Variants in BNC2 observed in about 807,000 individuals in gnomAD.
BNC2 encodes basonuclin zinc finger protein 2.
Under a neutral mutation model 76.3 loss-of-function variants are expected in BNC2, and 20 were observed. That is an observed-to-expected ratio of 0.26 (90% CI 0.18 to 0.38). The LOEUF (loss-of-function observed/expected upper bound fraction) is 0.38, where lower values mean the gene tolerates loss of function less well. Among genes scored for constraint, BNC2 ranks in the 10% least tolerant of loss-of-function variants. The pLI, the probability that BNC2 is intolerant of heterozygous loss-of-function variation, is 1.00. For missense variants in BNC2, 1,382 were observed against 1,399.8 expected (o/e 0.99, Z 0.20); for synonymous variants, 582 against 514.8 (o/e 1.13, Z -1.77).
At chr9:16,596,531 T>C (rs921497758) in intron 3 of BNC2, among the ~76,000 whole-genome samples, 2 of 152,198 alleles carry the variant, frequency 1.3e-5, no homozygotes, top group Non-Finnish European at 2.9e-5. Context: ...TTTGTGGATC[T>C]ATGGAGACAT....
At chr9:16,523,200 G>A (rs894188455) in intron 5 of BNC2, among the ~76,000 whole-genome samples, 1 of 152,130 alleles carries the variant, frequency 6.6e-6, no homozygotes, top group Non-Finnish European at 1.5e-5. Context: ...GGCCGGACGC[G>A]GTGGCTCACA....
Position 16,693,478 on chromosome 9 carries a change from C to T in BNC2, c.330+34319G>A, listed in dbSNP as rs1344462906. 2.6e-5 allele frequency among the ~76,000 whole-genome samples: 4 copies of T among 152,260 alleles called. No individual in the cohort carries two copies. The East Asian group carries it at 7.7e-4, about 29-fold the overall frequency. ...ACTCATTTGCATGCCCCACCTGAGA[C>T]CCACTGTGACAGAAACTGGAGGTGG... On this transcript the variant is annotated intron_variant, in intron 3 of 6. Transcript: ENST00000380672.
intron 1 of BNC2, among the ~76,000 whole-genome samples, chr9:16,808,109 G>A (rs1315948540): frequency 6.6e-6 from 1 of 152,084 alleles, no homozygotes; most frequent in African/African-American, 2.4e-5. Flanking sequence ...CCTATTTAAA[G>A]AATAACAAAA....
At chr9:16,704,127 A>C (rs1823592097) in intron 3 of BNC2, among the ~76,000 whole-genome samples, 1 of 152,192 alleles carries the variant, frequency 6.6e-6, no homozygotes. Flanking sequence ...ATATTTTATA[A>C]AGGCACACTG....
intron 2 of BNC2, among the ~76,000 whole-genome samples, chr9:16,731,611 A>C (rs1389690415): frequency 6.6e-6 from 1 of 152,180 alleles, no homozygotes; most frequent in African/African-American, 2.4e-5. Context: ...TTCCAAGAAA[A>C]GGAATGCACT....
At chr9:16,659,695 A>G (rs1822051841) in intron 3 of BNC2, among the ~76,000 whole-genome samples, 1 of 150,700 alleles carries the variant, frequency 6.6e-6, no homozygotes. Context: ...TCTTCCCTTG[A>G]TCTGTGCAGG....
At chr9:16,802,550 A>G (rs1210733775) in intron 1 of BNC2, among the ~76,000 whole-genome samples, 1 of 152,210 alleles carries the variant, frequency 6.6e-6, no homozygotes, top group African/African-American at 2.4e-5. Context: ...TGCTTCAGCA[A>G]CAGAAGCTTC....
chr9:16,584,301 T>C (rs1266628114), intron 3 of BNC2, among the ~76,000 whole-genome samples: 1 of 152,192 alleles, frequency 6.6e-6, no homozygotes, highest in Non-Finnish European at 1.5e-5. Flanking sequence ...AGGATTTTTA[T>C]AGAAACTGTC....
chr9:16,534,929 T>C (rs1306273107), intron 5 of BNC2, among the ~76,000 whole-genome samples: 1 of 152,192 alleles, frequency 6.6e-6, no homozygotes, highest in Non-Finnish European at 1.5e-5. Flanking sequence ...AAGATGAAAA[T>C]GTGGATGAAT....
intron 4 of BNC2, among the ~76,000 whole-genome samples, chr9:16,580,518 C>T (rs190065029): frequency 2.6e-4 from 39 of 152,278 alleles, no homozygotes; most frequent in African/African-American, 9.1e-4. Context: ...TGAAAAATGA[C>T]ATTCTTCAGA....
chr9:16,559,130 G>T (rs1818932756), intron 4 of BNC2, among the ~76,000 whole-genome samples: 1 of 152,108 alleles, frequency 6.6e-6, no homozygotes, highest in Non-Finnish European at 1.5e-5. Flanking sequence ...ATAATGGTGA[G>T]GAAGAGTATA....
At chr9:16,441,846 C>T (rs1197942375) in intron 5 of BNC2, among the ~76,000 whole-genome samples, 1 of 152,068 alleles carries the variant, frequency 6.6e-6, no homozygotes, top group Non-Finnish European at 1.5e-5. Context: ...ATAAACTTTA[C>T]AAAAGTAAAT....
chr9:16,740,539 G>A (rs939857797), intron 1 of BNC2, among the ~76,000 whole-genome samples: 5 of 152,196 alleles, frequency 3.3e-5, no homozygotes, highest in Non-Finnish European at 5.9e-5. Context: ...CCATATTGCA[G>A]AGGAGTTAAG....
intron 3 of BNC2, among the ~76,000 whole-genome samples, chr9:16,651,665 A>T (rs185913237): frequency 6.6e-6 from 1 of 152,298 alleles, no homozygotes; most frequent in South Asian, 2.1e-4. Flanking sequence ...TTATTCATGG[A>T]AAGTCCACAT....
intron 1 of BNC2, among the ~76,000 whole-genome samples, chr9:16,782,809 T>A (rs935177852): frequency 7.2e-5 from 11 of 152,206 alleles, no homozygotes; most frequent in African/African-American, 2.7e-4. Context: ...CACTACTATA[T>A]CCACTATCAT....
At chr9:16,868,694 C>G (rs1330463644) in intron 1 of BNC2, among the ~76,000 whole-genome samples, 4 of 152,198 alleles carry the variant, frequency 2.6e-5, no homozygotes, top group Non-Finnish European at 5.9e-5. Context: ...ACTTTTAATA[C>G]AGCGCACTCT....
At chr9:16,857,871 TTTC>T (rs2136191818) in intron 1 of BNC2, among the ~76,000 whole-genome samples, 1 of 152,386 alleles carries the variant, frequency 6.6e-6, no homozygotes, top group East Asian at 1.9e-4. Flanking sequence ...GGAATGAATA[TTTC>T]TTTTAATTCA....
intron 3 of BNC2, among the ~76,000 whole-genome samples, chr9:16,692,818 G>C (rs1228910330): frequency 6.6e-6 from 1 of 152,086 alleles, no homozygotes; most frequent in Non-Finnish European, 1.5e-5. Flanking sequence ...TGTCAGCTCA[G>C]AGGGACTTAG....
intron 1 of BNC2, among the ~76,000 whole-genome samples, chr9:16,762,531 C>T (rs1825581735): frequency 6.6e-6 from 1 of 152,202 alleles, no homozygotes; most frequent in African/African-American, 2.4e-5. Flanking sequence ...GAACTTCCCA[C>T]TTTAGGAGAC....
Sources: gnomAD v4.1 joint callset for allele counts (sites outside exome capture counted in the v4.1 genomes callset) on GRCh38, gnomAD v4.1.1 for gene constraint, MANE v1.5 for transcripts, NCBI Gene and HGNC (gene_info 2026-07-23, HGNC 2026-07-21) for gene names.